Variants in NKAIN3 observed in about 807,000 individuals in gnomAD.
NKAIN3 encodes sodium/potassium-transporting ATPase subunit beta-1-interacting protein 3.
NKAIN3 carries 25 observed loss-of-function variants against 30.2 expected under a neutral mutation model. The ratio of observed to expected loss-of-function variants is 0.83; its 90% confidence interval spans 0.60 to 1.16. NKAIN3 has a LOEUF of 1.16. Among genes scored for constraint, NKAIN3 ranks in the 50% most tolerant of loss-of-function variants. The pLI is 0.00. For missense variants in NKAIN3, 225 were observed against 254.1 expected (o/e 0.89, Z 0.78); for synonymous variants, 91 against 89.6 (o/e 1.02, Z -0.09).
At chr8:62,599,314 T>C (rs1290304306) in intron 3 of NKAIN3, among the ~76,000 whole-genome samples, 1 of 151,980 alleles carries the variant, frequency 6.6e-6, no homozygotes, top group Non-Finnish European at 1.5e-5. Flanking sequence ...AATGTGTATA[T>C]GTATGGTGGG....
chr8:62,522,068 G>T (rs1409701771), intron 1 of NKAIN3, among the ~76,000 whole-genome samples: 4 of 152,080 alleles, frequency 2.6e-5, no homozygotes, highest in African/African-American at 7.2e-5. Flanking sequence ...TCTGCAAAGA[G>T]CCTAAAAAGG....
intron 1 of NKAIN3, among the ~76,000 whole-genome samples, chr8:62,523,495 TA>T (rs1390190606): frequency 6.6e-6 from 1 of 152,150 alleles, no homozygotes; most frequent in Non-Finnish European, 1.5e-5. Flanking sequence ...TACAAAACTT[TA>T]AAGCAGTTCA....
At chr8:62,599,822 C>T (rs929102482) in intron 3 of NKAIN3, among the ~76,000 whole-genome samples, 2 of 151,984 alleles carry the variant, frequency 1.3e-5, no homozygotes, top group Non-Finnish European at 2.9e-5. Flanking sequence ...ACCACTTCCC[C>T]TAGGAGTACT....
rs1336931840 is a variant in NKAIN3, at chr8:62,581,951, T to A, written c.192+2275T>A. On this transcript the variant is annotated intron_variant, in intron 2 of 6. Coordinates refer to ENST00000623646, the MANE Select transcript of NKAIN3 (RefSeq NM_001304533.3). ...TTTTTTCCTTCCTCCCTCCCACCTA[T>A]CCTCCCTCCCTTCCTTCTATCCTTC... is the stretch of plus-strand genomic sequence containing the variant. Among the ~76,000 whole-genome samples, 121 of 107,984 alleles carry A rather than the reference T, an allele frequency of 1.1e-3. 1 individual carries two copies. The highest frequency in any genetic ancestry group is 2.7e-3 in the African/African-American group (56 of 20,712). 70.8% of individuals were successfully genotyped at this position (107,984 alleles called of 152,430 possible).
At chr8:62,249,176 CCGGCCTCTGCGA>C in intron 1 of NKAIN3, 49 bp downstream of exon 1, 1 of 1,447,092 alleles carries the variant, frequency 6.9e-7, no homozygotes, top group Non-Finnish European at 9.3e-7. Flanking sequence ...TGCTCCAGGA[CCGGCCTCTGCGA>C]CTCCCTCTGC....
chr8:62,454,301 C>CAAAAAAAAAAAAAAAAAAAACA (rs1805743397), intron 1 of NKAIN3, among the ~76,000 whole-genome samples: 1 of 56,152 alleles, frequency 1.8e-5, no homozygotes, highest in Non-Finnish European at 3.8e-5. Flanking sequence ...AGCTGATGTG[C>CAAAAAAAAAAAAAAAAAAAACA]AAAAAAAAAA....
chr8:62,323,047 T>C (rs1402126548), intron 1 of NKAIN3, among the ~76,000 whole-genome samples: 1 of 152,170 alleles, frequency 6.6e-6, no homozygotes, highest in Non-Finnish European at 1.5e-5. Flanking sequence ...GGAGAAAATA[T>C]GGGACAGCAG....
At chr8:62,586,997 T>A (rs1007682851) in intron 2 of NKAIN3, among the ~76,000 whole-genome samples, 4 of 152,034 alleles carry the variant, frequency 2.6e-5, no homozygotes, top group Admixed American at 6.6e-5. Flanking sequence ...CCAAAGGGTA[T>A]TTGTTTAAAA....
chr8:62,653,538 C>T (rs142703172), intron 3 of NKAIN3, among the ~76,000 whole-genome samples: 4 of 152,108 alleles, frequency 2.6e-5, no homozygotes, highest in East Asian at 3.9e-4. Flanking sequence ...CAGCTCTTCA[C>T]TTCAAAGAAA....
chr8:62,944,594 T>G (rs1294765642), intron 5 of NKAIN3, among the ~76,000 whole-genome samples: 2 of 152,206 alleles, frequency 1.3e-5, no homozygotes, highest in East Asian at 1.9e-4. Context: ...CTGAATTCAG[T>G]GTAGTGGCTT....
intron 1 of NKAIN3, among the ~76,000 whole-genome samples, chr8:62,492,532 A>T (rs1807102903): frequency 6.6e-6 from 1 of 152,112 alleles, no homozygotes; most frequent in African/African-American, 2.4e-5. Context: ...GCGAGGTGGT[A>T]CCCAACTCTG....
rs1306181862 is a variant in NKAIN3, at chr8:62,971,648, G to T, written c.*6241G>T. ...ACCTTGTCTCAAAAAAAAAGCGGGG[G>T]GGGCTTCATTTATTAGTAAGAAGGA... On this transcript the variant is annotated 3_prime_UTR_variant, in exon 7 of 7. Coordinates refer to ENST00000623646, the MANE Select transcript of NKAIN3 (RefSeq NM_001304533.3). Among the ~76,000 whole-genome samples the T allele has an allele frequency of 6.6e-6, 1 of 151,804 alleles. No individual in the cohort carries two copies. The highest frequency in any genetic ancestry group is 1.9e-4 in the East Asian group (1 of 5,170).
chr8:62,732,061 G>A (rs772637687), intron 3 of NKAIN3, among the ~76,000 whole-genome samples: 4 of 151,834 alleles, frequency 2.6e-5, no homozygotes, highest in Non-Finnish European at 5.9e-5. Context: ...AGTACCAGAC[G>A]GATATGCAAT....
intron 1 of NKAIN3, among the ~76,000 whole-genome samples, chr8:62,408,170 G>C (rs1247462637): frequency 5.3e-5 from 8 of 151,946 alleles, no homozygotes; most frequent in Admixed American, 2.6e-4. Context: ...AATAAACTTT[G>C]AACACAAAAT....
At chr8:62,988,630 A>G (rs1824253922), downstream of NKAIN3, among the ~76,000 whole-genome samples, 1 of 152,196 alleles carries the variant, frequency 6.6e-6, no homozygotes, top group Non-Finnish European at 1.5e-5. Context: ...AGTCCCTTGG[A>G]TGTACACAGC....
At chr8:62,863,070 T>C (rs1820303363) in intron 4 of NKAIN3, 4 of 1,015,254 alleles carry the variant, frequency 3.9e-6, no homozygotes, top group Middle Eastern at 3.3e-4. Flanking sequence ...ATCCTCTGTA[T>C]CATATATCTC....
At position 62,966,799 on chromosome 8, in the gene NKAIN3, T is replaced by G. The variant is rs866107601; in HGVS notation, c.*1392T>G. The stretch of plus-strand genomic sequence containing the variant: ...CCAGAAAGTTGTGAATATGTGGTTA[T>G]TAACTCAGCCCATGCATCTCTAAGA... On this transcript the variant is annotated 3_prime_UTR_variant, in exon 7 of 7. Coordinates refer to ENST00000623646, the MANE Select transcript of NKAIN3 (RefSeq NM_001304533.3). Among the ~76,000 whole-genome samples, 5 of 152,348 alleles carry G rather than the reference T, an allele frequency of 3.3e-5. No individual in the cohort carries two copies. Among genetic ancestry groups the G allele is most frequent in the Middle Eastern group, 3.4e-3 (1 of 294 alleles).
At chr8:62,371,309 T>G (rs1816901359) in intron 1 of NKAIN3, among the ~76,000 whole-genome samples, 1 of 151,938 alleles carries the variant, frequency 6.6e-6, no homozygotes, top group Admixed American at 6.6e-5. Context: ...ATAGATTATG[T>G]TTAGGTGTTT....
intron 4 of NKAIN3, among the ~76,000 whole-genome samples, chr8:62,898,609 T>C (rs1384725577): frequency 3.3e-5 from 5 of 151,942 alleles, no homozygotes; most frequent in African/African-American, 1.2e-4. Flanking sequence ...CTACATATTG[T>C]CTCAAACTAT....
Sources: allele counts gnomAD v4.1 joint callset (sites outside exome capture counted in the v4.1 genomes callset), GRCh38; gene constraint gnomAD v4.1.1; transcripts MANE v1.5; gene names NCBI Gene and HGNC (gene_info 2026-07-23, HGNC 2026-07-21).